Variants in CXADR observed in about 807,000 individuals in gnomAD.
CXADR encodes CXADR cell adhesion molecule.
A neutral mutation model predicts 40.3 loss-of-function variants in CXADR; 20 were observed. That is an observed-to-expected ratio of 0.50 (90% confidence interval 0.35 to 0.72). The LOEUF (loss-of-function observed/expected upper bound fraction) is 0.72, where lower values mean the gene tolerates loss of function less well. Among genes scored for constraint, CXADR ranks in the 30% least tolerant of loss-of-function variants. CXADR has a pLI of 0.01. For synonymous variants in CXADR, 150 were observed against 161.3 expected (o/e 0.93, Z 0.53); for missense variants, 332 against 449.1 (o/e 0.74, Z 2.36).
At chr21:17,594,498 C>A (rs1428040127), downstream of CXADR, among the ~76,000 whole-genome samples, 1 of 151,946 alleles carries the variant, frequency 6.6e-6, no homozygotes, top group African/African-American at 2.4e-5. Context: ...GTGTAATAGG[C>A]GTATAATGTA....
At position 17,561,468 on chromosome 21, in the gene CXADR, C is replaced by T. The variant is rs779600277; in HGVS notation, c.825C>T (p.His275=). ...REEKYEKEVH[H]DIREDVPPPK... is the part of the protein sequence containing the mutation. Reference sequence around the variant, plus strand: ...AAAAATATGAAAAGGAAGTTCATCACGATATCAGGTAATTAAGTGAGACAG... The same window carrying T: ...AAAAATATGAAAAGGAAGTTCATCATGATATCAGGTAATTAAGTGAGACAG... The change falls in exon 6 of 7, where the codon CAC becomes CAT. Residue 275 remains histidine (H), a synonymous_variant. Transcript: ENST00000284878. 25 of 1,606,136 alleles carry T rather than the reference C, an allele frequency of 1.6e-5. No homozygotes were observed. The highest frequency in any genetic ancestry group is 1.9e-5 in the Non-Finnish European group (22 of 1,176,694).
the CXADR span, among the ~76,000 whole-genome samples, chr21:17,633,610 T>G: frequency 6.6e-6 from 1 of 152,186 alleles, no homozygotes; most frequent in East Asian, 1.9e-4. Context: ...TTTCATCTAT[T>G]CTTCTGAGGA....
intron 7 of CXADR, among the ~76,000 whole-genome samples, chr21:17,587,477 T>C (rs1160513212): frequency 6.6e-6 from 1 of 152,228 alleles, no homozygotes; most frequent in Non-Finnish European, 1.5e-5. Context: ...GATTTGCATT[T>C]CTCTGATGGC....
chr21:17,519,259 A>G (rs576298076), intron 1 of CXADR, among the ~76,000 whole-genome samples: 8 of 152,312 alleles, frequency 5.3e-5, no homozygotes, highest in Non-Finnish European at 7.3e-5. Context: ...CAGTCCCTGC[A>G]TGGTCTTGTG....
the CXADR span, chr21:17,612,986 G>C: frequency 2.6e-5 from 4 of 151,952 alleles, no homozygotes; most frequent in African/African-American, 9.7e-5. Context: ...TGGCGCGCGC[G>C]GGATCGGCTC....
rs35908570 is a variant in CXADR at position 17,579,884 on chromosome 21, T to TAA, written c.1018-13258_1018-13257dup. Among the ~76,000 whole-genome samples the TAA allele has an allele frequency of 1.7e-4, 25 of 148,528 alleles. No homozygotes were observed. In the East Asian group the frequency reaches 1.8e-3, roughly 11 times the overall value. ...TTGTTCCATTCCTGTTGTATTTTAT[T>TAA]AAAAAAAAAAACAACCTTTCCTATT... On this transcript the variant is annotated intron_variant, in intron 7 of 7. Coordinates refer to the CXADR transcript ENST00000400169.
chr21:17,551,427 A>G (rs1427294678), intron 2 of CXADR, among the ~76,000 whole-genome samples: 2 of 152,176 alleles, frequency 1.3e-5, no homozygotes, highest in Non-Finnish European at 1.5e-5. Context: ...AAGACAACGA[A>G]CAAGCAAATC....
At chr21:17,519,993 G>T (rs180853030) in intron 1 of CXADR, among the ~76,000 whole-genome samples, 1 of 150,064 alleles carries the variant, frequency 6.7e-6, no homozygotes, top group Non-Finnish European at 1.5e-5. Context: ...ACACACACAC[G>T]CACGCACATG....
intron 1 of CXADR, among the ~76,000 whole-genome samples, chr21:17,524,050 G>A (rs1028598897): frequency 6.6e-6 from 1 of 151,358 alleles, no homozygotes; most frequent in Non-Finnish European, 1.5e-5. Context: ...GTGCGTGTGT[G>A]TGTGTGTGTG....
At chr21:17,598,039 C>T (rs1044889365), downstream of CXADR, among the ~76,000 whole-genome samples, 1 of 152,112 alleles carries the variant, frequency 6.6e-6, no homozygotes, top group East Asian at 1.9e-4. Context: ...TTGAAGAATG[C>T]TGTTTGGTCA....
the CXADR span, among the ~76,000 whole-genome samples, chr21:17,630,650 C>CTTTTTTTTTTTTTTTTTTTTTTTTT: frequency 8.5e-6 from 1 of 116,998 alleles, no homozygotes; most frequent in Non-Finnish European, 1.7e-5. Flanking sequence ...CTTCCTTCTT[C>CTTTTTTTTTTTTTTTTTTTTTTTTT]TTTTTTTTTT....
the CXADR span, among the ~76,000 whole-genome samples, chr21:17,606,851 A>G: frequency 3.5e-4 from 53 of 152,296 alleles, no homozygotes; most frequent in African/African-American, 1.2e-3. Flanking sequence ...GTTCGTCTGC[A>G]TTTCTAATTA....
chr21:17,547,072 A>G lies in CXADR; in HGVS notation c.89A>G (p.Glu30Gly). ...LSITTPEEMIEKAKGETAYLP... is the reference protein window; with the variant it reads ...LSITTPEEMIGKAKGETAYLP... ...ATCACTACTCCTGAAGAGATGATTG[A>G]AAAAGCCAAAGGGGAAACTGCCTAT... The change falls in exon 2 of 7, where the codon GAA becomes GGA. Residue 30 changes from glutamate (E) to glycine (G), a missense_variant. By Grantham distance (98) the Glu-to-Gly change is moderately conservative (BLOSUM62 -2). This residue lies in a region of CXADR where 162 missense variants were observed against 198.5 expected (regional missense o/e 0.82). Transcript: ENST00000284878. 6.2e-7 allele frequency: 1 copy of G among 1,613,644 alleles called. No individual in the cohort carries two copies. Among genetic ancestry groups the G allele is most frequent in the Non-Finnish European group, 8.5e-7 (1 of 1,179,930 alleles).
the CXADR span, among the ~76,000 whole-genome samples, chr21:17,608,337 CACTCTAGACTG>C: frequency 6.6e-6 from 1 of 151,356 alleles, no homozygotes; most frequent in East Asian, 2.0e-4. Flanking sequence ...TATACCACTG[CACTCTAGACTG>C]GGTGACAGAG....
intron 1 of CXADR, among the ~76,000 whole-genome samples, chr21:17,541,278 C>T (rs577190427): frequency 6.6e-5 from 10 of 152,246 alleles, no homozygotes; most frequent in East Asian, 5.8e-4. Context: ...TCCGGCTGGG[C>T]GCGGTGGCTC....
At chr21:17,592,969 T>C (rs1417672023) in intron 7 of CXADR, among the ~76,000 whole-genome samples, 2 of 151,966 alleles carry the variant, frequency 1.3e-5, no homozygotes, top group Non-Finnish European at 1.5e-5. Context: ...ATTTGTGGAA[T>C]AGCCATGGCC....
In CXADR at chr21:17,569,818, C is replaced by T; in HGVS notation, c.*4126C>T. 2 of 985,242 alleles carry T rather than the reference C, an allele frequency of 2.0e-6. No individual in the cohort carries two copies. The highest frequency in any genetic ancestry group is 2.4e-6 in the Non-Finnish European group (2 of 829,788). The allele number at this position is 985,242 out of a possible 1,614,324, so 61.0% of individuals were successfully genotyped here. A position where few individuals can be genotyped will look rare whatever the true frequency, so the allele number is the denominator to read the frequency against. On this transcript the variant is annotated 3_prime_UTR_variant, in exon 7 of 7. Coordinates refer to ENST00000284878, the MANE Select transcript of CXADR (RefSeq NM_001338.5). ...TTTTCTGCTAACTTATTTAATGACACAAGTTTTAAGAGAACCACAATTCAT... is the reference window on the plus strand; with the variant it reads ...TTTTCTGCTAACTTATTTAATGACATAAGTTTTAAGAGAACCACAATTCAT...
chr21:17,559,815 AC>A (rs1040363254), intron 4 of CXADR, among the ~76,000 whole-genome samples: 8 of 151,172 alleles, frequency 5.3e-5, no homozygotes, highest in African/African-American at 1.9e-4. Context: ...AGTAGCTGAG[AC>A]TACAGGCATG....
chr21:17,549,365 C>G (rs2123257793), intron 2 of CXADR, among the ~76,000 whole-genome samples: 1 of 152,338 alleles, frequency 6.6e-6, no homozygotes, highest in Non-Finnish European at 1.5e-5. Context: ...GTAGGAACAG[C>G]TATACCTAGC....
Sources: allele counts gnomAD v4.1 joint callset (sites outside exome capture counted in the v4.1 genomes callset), GRCh38; gene constraint gnomAD v4.1.1; regional missense constraint gnomAD v4.1.1; transcripts MANE v1.5; gene names NCBI Gene and HGNC (gene_info 2026-07-23, HGNC 2026-07-21).